ABCA13: variants seen among roughly 807,000 people sequenced by gnomAD.
ABCA13 encodes ATP binding cassette subfamily A member 13, also known as ATP-binding cassette sub-family A member 13.
Under a neutral mutation model 478.7 loss-of-function variants are expected in ABCA13, and 476 were observed. The ratio of observed to expected loss-of-function variants is 0.99; its 90% CI spans 0.92 to 1.07. ABCA13 has a LOEUF of 1.07. ABCA13 is among the 50% of genes least tolerant of loss of function. The probability of loss-of-function intolerance (pLI) is 0.00; values close to 1 mark genes in which losing one functional copy is unlikely to be tolerated. For synonymous variants in ABCA13, 2,252 were observed against 2,158.9 expected, an observed-to-expected ratio of 1.04 and a Z score of -1.20; for missense variants, 6,060 against 5,910.6, an observed-to-expected ratio of 1.03 and a Z score of -0.83.
chr7:48,619,555 C>T (rs980093437), intron 59 of ABCA13, among the ~76,000 whole-genome samples: 4 of 152,146 alleles, frequency 2.6e-5, no homozygotes, highest in South Asian at 4.1e-4. Flanking sequence ...AGGTCTGATG[C>T]AGTTTATGCC....
chr7:48,378,445 T>C (rs1363294843), intron 35 of ABCA13, among the ~76,000 whole-genome samples: 1 of 152,208 alleles, frequency 6.6e-6, no homozygotes, highest in Non-Finnish European at 1.5e-5. Context: ...TGGTAATCTT[T>C]TGGAAGTACC....
At chr7:48,630,312 C>T (rs1794060737) in intron 59 of ABCA13, among the ~76,000 whole-genome samples, 1 of 152,162 alleles carries the variant, frequency 6.6e-6, no homozygotes. Flanking sequence ...ACTCTCCTCC[C>T]ATCCTCCACC....
chr7:48,549,645 C>A (rs942206154), intron 55 of ABCA13, among the ~76,000 whole-genome samples: 1 of 151,714 alleles, frequency 6.6e-6, no homozygotes, highest in African/African-American at 2.4e-5. Flanking sequence ...CACCACACGT[C>A]TTCCACAATG....
intron 35 of ABCA13, among the ~76,000 whole-genome samples, chr7:48,384,953 G>A (rs1266277589): frequency 2.6e-5 from 4 of 152,018 alleles, no homozygotes; most frequent in Admixed American, 2.0e-4. Context: ...ATTAGTCCTC[G>A]CTCTTGTGAC....
At chr7:48,366,586 C>T (rs1811705107) in intron 31 of ABCA13, among the ~76,000 whole-genome samples, 1 of 152,052 alleles carries the variant, frequency 6.6e-6, no homozygotes, top group Non-Finnish European at 1.5e-5. Flanking sequence ...CTGAGGGTGT[C>T]ATGCCACTTC....
intron 55 of ABCA13, among the ~76,000 whole-genome samples, chr7:48,552,702 T>C (rs1785443319): frequency 6.6e-6 from 1 of 151,366 alleles, no homozygotes; most frequent in African/African-American, 2.4e-5. Flanking sequence ...TATTTGTTGG[T>C]ACATAAGGGT....
chr7:48,315,937 C>T (rs1172676031), intron 26 of ABCA13, among the ~76,000 whole-genome samples: 1 of 152,030 alleles, frequency 6.6e-6, no homozygotes, highest in African/African-American at 2.4e-5. Flanking sequence ...ATCATAGTAT[C>T]AAATCTAAGA....
At chr7:48,515,783 G>A (rs1238258503) in intron 51 of ABCA13, among the ~76,000 whole-genome samples, 2 of 152,056 alleles carry the variant, frequency 1.3e-5, no homozygotes, top group Non-Finnish European at 2.9e-5. Flanking sequence ...TTATTTTTAG[G>A]CCTTATTTTT....
chr7:48,639,555 C>A (rs1794950984), intron 59 of ABCA13, among the ~76,000 whole-genome samples: 1 of 152,178 alleles, frequency 6.6e-6, no homozygotes, highest in African/African-American at 2.4e-5. Context: ...TGCTCTTGCC[C>A]TGTGGTGGAT....
At chr7:48,477,579 T>C (rs1479374699) in intron 45 of ABCA13, among the ~76,000 whole-genome samples, 2 of 152,122 alleles carry the variant, frequency 1.3e-5, no homozygotes, top group East Asian at 3.9e-4. Context: ...AATGAGTTCA[T>C]GTCTTTTGTA....
intron 19 of ABCA13, among the ~76,000 whole-genome samples, chr7:48,283,410 G>T (rs77518994): frequency 6.6e-6 from 1 of 152,212 alleles, no homozygotes; most frequent in African/African-American, 2.4e-5. Context: ...AGAGTGAGGG[G>T]TGGAGGAGAG....
intron 48 of ABCA13, among the ~76,000 whole-genome samples, chr7:48,494,682 G>A (rs1324383860): frequency 2.0e-5 from 3 of 152,086 alleles, no homozygotes; most frequent in Non-Finnish European, 4.4e-5. Flanking sequence ...CTCATGATGT[G>A]TTTATATCTG....
At position 48,275,560 on chromosome 7, in the gene ABCA13, C is replaced by G. The variant is rs970590760; in HGVS notation, c.5894C>G (p.Thr1965Arg). 1 of 1,613,606 alleles carries G rather than the reference C, an allele frequency of 6.2e-7. No individual in the cohort carries two copies. Among genetic ancestry groups the G allele is most frequent in the Non-Finnish European group, 8.5e-7 (1 of 1,179,780 alleles). Residue 1965 changes from threonine (T) to arginine (R), a missense_variant, in exon 17 of 62, where the codon ACA (threonine) becomes AGA (arginine). By Grantham distance (71) the Thr-to-Arg change is moderately conservative. Around this residue, in one of 3 missense-constraint regions of ABCA13, gnomAD observed 4,423 missense variants for 4,309.1 expected, o/e 1.03. Coordinates refer to ENST00000435803, the MANE Select transcript of ABCA13 (RefSeq NM_152701.5). ...IIEKLKNVNF[T>R]KVTSGENILD... ...GAAAAACTTAAAAATGTCAACTTTA[C>G]AAAAGTTACATCAGGTGAAAATATT...
At chr7:48,202,898 G>C (rs886320296) in intron 3 of ABCA13, among the ~76,000 whole-genome samples, 2 of 141,286 alleles carry the variant, frequency 1.4e-5, no homozygotes, top group Non-Finnish European at 3.2e-5. Flanking sequence ...TGCCAGTCCC[G>C]GTGCCGTGCG....
chr7:48,183,299 A>T (rs1795946690), intron 1 of ABCA13, among the ~76,000 whole-genome samples: 1 of 152,220 alleles, frequency 6.6e-6, no homozygotes, highest in Admixed American at 6.5e-5. Flanking sequence ...TTAAAAATAT[A>T]TTTAGACTCA....
chr7:48,278,624 G>A lies in ABCA13; in HGVS notation c.7430G>A (p.Arg2477Lys). 1 of 1,613,666 alleles carries A rather than the reference G, an allele frequency of 6.2e-7. No homozygotes were observed. The highest frequency in any genetic ancestry group is 8.5e-7 in the Non-Finnish European group (1 of 1,179,636). ...RNRATLEITK[R>K]LVGAISRASE... ...AGAGCAACATTAGAAATTACTAAGA[G>A]ATTAGTTGGTGCTATTTCAAGAGCA... is the stretch of plus-strand genomic sequence containing the variant. The change falls in exon 18 of 62, where the codon AGA (arginine) becomes AAA (lysine). Residue 2477 changes from arginine to lysine, a missense_variant. This residue lies in a region of ABCA13 where 4,423 missense variants were observed against 4,309.1 expected (regional missense o/e 1.03). Coordinates refer to ENST00000435803, the MANE Select transcript of ABCA13 (RefSeq NM_152701.5).
chr7:48,405,293 A>G (rs1818115151), intron 39 of ABCA13, among the ~76,000 whole-genome samples: 1 of 152,236 alleles, frequency 6.6e-6, no homozygotes, highest in Non-Finnish European at 1.5e-5. Flanking sequence ...AGTCCAAGCT[A>G]CAAATGCCAA....
At chr7:48,636,231 A>T (rs568866530) in intron 59 of ABCA13, among the ~76,000 whole-genome samples, 1 of 152,206 alleles carries the variant, frequency 6.6e-6, no homozygotes, top group Non-Finnish European at 1.5e-5. Context: ...AGAAGACTTT[A>T]TCAATCACTC....
chr7:48,524,621 A>G (rs1217237551), intron 54 of ABCA13, among the ~76,000 whole-genome samples, 181 bp downstream of exon 54: 3 of 150,738 alleles, frequency 2.0e-5, no homozygotes, highest in East Asian at 3.8e-4. Context: ...ACTATTTCAT[A>G]GTAAAAACTT....
Sources: allele counts gnomAD v4.1 joint callset (sites outside exome capture counted in the v4.1 genomes callset), GRCh38; gene constraint gnomAD v4.1.1; regional missense constraint gnomAD v4.1.1; transcripts MANE v1.5; gene names NCBI Gene and HGNC (gene_info 2026-07-23, HGNC 2026-07-21).